The following COL22A1 variants were observed in gnomAD, a reference collection of about 807,000 sequenced individuals.
The protein encoded by COL22A1 is collagen type XXII alpha 1 chain.
COL22A1 carries 221 observed loss-of-function variants against 248.9 expected under a neutral mutation model. The observed-to-expected ratio is 0.89, with a 90% CI of 0.80 to 0.99. The LOEUF (loss-of-function observed/expected upper bound fraction) is 0.99, where lower values mean the gene tolerates loss of function less well. COL22A1 is among the 50% of genes least tolerant of loss of function. COL22A1 has a pLI of 0.00. For missense variants in COL22A1, 2,240 were observed against 2,179.0 expected, an observed-to-expected ratio of 1.03 and a Z score of -0.56; for synonymous variants, 891 against 793.4, an observed-to-expected ratio of 1.12 and a Z score of -2.07.
intron 18 of COL22A1, among the ~76,000 whole-genome samples, chr8:138,759,283 G>C (rs565103240): frequency 6.6e-6 from 1 of 152,130 alleles, no homozygotes; most frequent in African/African-American, 2.4e-5. Context: ...CATATTTAGA[G>C]CATATGCTGG....
intron 6 of COL22A1, among the ~76,000 whole-genome samples, chr8:138,822,502 CAGAAT>C (rs1819230696): frequency 6.6e-6 from 1 of 152,176 alleles, no homozygotes; most frequent in African/African-American, 2.4e-5. Flanking sequence ...AAAGTATGAA[CAGAAT>C]AGAAGGCACA....
chr8:138,600,746 G>C (rs967005856), intron 60 of COL22A1, among the ~76,000 whole-genome samples: 1 of 152,150 alleles, frequency 6.6e-6, no homozygotes, highest in African/African-American at 2.4e-5. Context: ...TAATAATGTA[G>C]CCAGGTCCAA....
At chr8:138,644,438 C>A (rs897318887) in intron 47 of COL22A1, among the ~76,000 whole-genome samples, 1 of 152,082 alleles carries the variant, frequency 6.6e-6, no homozygotes, top group Non-Finnish European at 1.5e-5. Context: ...TGAGCACTTA[C>A]AACTGAGAAA....
Position 138,821,160 on chromosome 8 carries a change from G to A in COL22A1, c.1221C>T (p.Arg407=). 1 of 1,614,152 alleles carries A rather than the reference G, an allele frequency of 6.2e-7. No individual in the cohort carries two copies. Among genetic ancestry groups the A allele is most frequent in the Non-Finnish European group, 8.5e-7 (1 of 1,180,028 alleles). The part of the protein sequence containing the change: ...DIQGKTVIGK[R]LYDSVPIDFD... Reference sequence around the variant, plus strand: ...CGTCAATGGGCACACTGTCGTAGAGGCGCTTGCCAATCACAGTCTTGCCCT... The same window carrying A: ...CGTCAATGGGCACACTGTCGTAGAGACGCTTGCCAATCACAGTCTTGCCCT... The change falls in exon 7 of 65, where the codon CGC becomes CGT. Residue 407 remains arginine (R), a synonymous_variant. Transcript: ENST00000303045.
intron 3 of COL22A1, among the ~76,000 whole-genome samples, chr8:138,861,882 A>G (rs1586910339): frequency 1.3e-5 from 2 of 152,256 alleles, no homozygotes; most frequent in African/African-American, 2.4e-5. Flanking sequence ...GATGTTTTCT[A>G]TCCTTCACTG....
At chr8:138,886,108 C>T (rs141673263) in intron 1 of COL22A1, among the ~76,000 whole-genome samples, 5 of 152,290 alleles carry the variant, frequency 3.3e-5, no homozygotes, top group African/African-American at 1.2e-4. Context: ...AATTATTCCC[C>T]GTATCACCTT....
intron 1 of COL22A1, 106 bp from the exon 2 acceptor site, chr8:138,883,350 C>T: frequency 3.2e-6 from 2 of 628,792 alleles, no homozygotes; most frequent in South Asian, 4.3e-5. Context: ...GCCTTCCAAC[C>T]CATCTTCCCT....
intron 12 of COL22A1, 110 bp downstream of exon 12, chr8:138,796,709 T>TC: frequency 1.2e-6 from 1 of 807,080 alleles, no homozygotes; most frequent in Non-Finnish European, 2.2e-6. Flanking sequence ...ACACCTCTTT[T>TC]CCCCCACTCG....
intron 49 of COL22A1, 33 bp from the exon 50 acceptor site, chr8:138,630,781 G>A (rs747653772): frequency 6.2e-7 from 1 of 1,602,250 alleles, no homozygotes; most frequent in Non-Finnish European, 8.5e-7. Context: ...CTAGTTTCTT[G>A]TGCATCTAGA....
At chr8:138,751,229 T>G (rs1832571861) in intron 22 of COL22A1, among the ~76,000 whole-genome samples, 1 of 152,182 alleles carries the variant, frequency 6.6e-6, no homozygotes, top group South Asian at 2.1e-4. Flanking sequence ...TATATATGAC[T>G]CCTGGCAGAC....
At position 138,743,521 on chromosome 8, in the gene COL22A1, A is replaced by G. The variant is rs150094077; in HGVS notation, c.2086-5944T>C. Among the ~76,000 whole-genome samples, 1,193 of 152,138 alleles carry G rather than the reference A, an allele frequency of 7.8e-3. 16 individuals carry two copies. Among genetic ancestry groups the G allele is most frequent in the African/African-American group, 0.027 (1,100 of 41,494 alleles). On this transcript the variant is annotated intron_variant, in intron 22 of 64. Transcript: ENST00000303045. ...TGGTGATGGTGATGGTGATGCTAAC[A>G]TTATTGGTGGCAGTGGTGATAGTGG...
At chr8:138,838,307 G>A (rs1172949115) in intron 4 of COL22A1, among the ~76,000 whole-genome samples, 1 of 152,118 alleles carries the variant, frequency 6.6e-6, no homozygotes, top group Non-Finnish European at 1.5e-5. Context: ...GCTCACAGGT[G>A]GCCTCAGCAG....
intron 11 of COL22A1, among the ~76,000 whole-genome samples, chr8:138,800,426 T>C (rs1448444858): frequency 1.3e-5 from 2 of 151,776 alleles, no homozygotes; most frequent in Non-Finnish European, 2.9e-5. Flanking sequence ...TTGGGGGGAG[T>C]AGATTCACAG....
intron 3 of COL22A1, among the ~76,000 whole-genome samples, chr8:138,849,918 G>A (rs1012526586): frequency 7.9e-5 from 12 of 152,156 alleles, no homozygotes; most frequent in African/African-American, 1.2e-4. Flanking sequence ...CCAGCCAATC[G>A]CTGTGTGTAA....
intron 37 of COL22A1, among the ~76,000 whole-genome samples, chr8:138,688,347 C>A (rs1315660143): frequency 1.3e-5 from 2 of 151,890 alleles, no homozygotes; most frequent in African/African-American, 4.8e-5. Flanking sequence ...ATGGTAAAAC[C>A]CCGTCTCTGC....
chr8:138,888,214 C>CTCAA (rs1824808666), intron 1 of COL22A1, among the ~76,000 whole-genome samples: 1 of 152,112 alleles, frequency 6.6e-6, no homozygotes, highest in African/African-American at 2.4e-5. Context: ...CTCAATGACC[C>CTCAA]TGTGACACAG....
At chr8:138,694,977 G>C (rs922890214) in intron 32 of COL22A1, 98 bp from the exon 33 acceptor site, 19 of 1,153,956 alleles carry the variant, frequency 1.6e-5, no homozygotes, top group Non-Finnish European at 2.4e-5. Context: ...GCCACCTCCA[G>C]TCCTGTGTAT....
intron 3 of COL22A1, among the ~76,000 whole-genome samples, chr8:138,846,814 T>C (rs1821280660): frequency 2.6e-5 from 4 of 152,348 alleles, no homozygotes; most frequent in African/African-American, 9.6e-5. Context: ...CCAGATATGT[T>C]CCAAGCATTG....
intron 45 of COL22A1, among the ~76,000 whole-genome samples, chr8:138,655,560 T>C (rs574953762): frequency 1.3e-5 from 2 of 152,176 alleles, no homozygotes; most frequent in East Asian, 3.9e-4. Flanking sequence ...AGAGATCAGG[T>C]CTCTCTATGT....
Sources: gnomAD v4.1 joint callset for allele counts (sites outside exome capture counted in the v4.1 genomes callset) on GRCh38, gnomAD v4.1.1 for gene constraint, MANE v1.5 for transcripts, NCBI Gene and HGNC (gene_info 2026-07-23, HGNC 2026-07-21) for gene names.